ADAMTS6: variants seen among roughly 807,000 people sequenced by gnomAD.
ADAMTS6 encodes the protein ADAM metallopeptidase with thrombospondin type 1 motif 6.
ADAMTS6 carries 23 observed loss-of-function variants against 144.3 expected under a neutral mutation model. The ratio of observed to expected loss-of-function variants is 0.16; its 90% CI spans 0.11 to 0.23. The LOEUF is 0.23. Ranked by LOEUF, ADAMTS6 falls within the 10% of genes least tolerant of loss-of-function variation. The pLI, the probability that ADAMTS6 is intolerant of heterozygous loss-of-function variation, is 1.00. For synonymous variants in ADAMTS6, 444 were observed against 457.5 expected, an observed-to-expected ratio of 0.97 and a Z score of 0.38; for missense variants, 999 against 1,379.6, an observed-to-expected ratio of 0.72 and a Z score of 4.37.
At chr5:65,460,377 C>T (rs746766129) in intron 3 of ADAMTS6, 39 bp from the exon 4 acceptor site, 68 of 1,521,708 alleles carry the variant, frequency 4.5e-5, no homozygotes, top group Admixed American at 1.0e-4. Context: ...CAAAGAGAAT[C>T]ATTTTAAATA....
chr5:65,475,177 G>T (rs1760757084), intron 1 of ADAMTS6, among the ~76,000 whole-genome samples: 1 of 151,944 alleles, frequency 6.6e-6, no homozygotes, highest in Non-Finnish European at 1.5e-5. Context: ...ATCACTTTAG[G>T]CATATAAAAA....
In ADAMTS6 at chr5:65,188,013, T is replaced by C; in HGVS notation, c.2910+3A>G. On this transcript the variant is annotated splice_donor_region_variant and intron_variant, in intron 22 of 24. Transcript: ENST00000381055. ...ATATACATATAGCCTCAGATTTCCT[T>C]ACCTCAGACCAGTCCAAAGCCACCC... 7 of 1,613,774 alleles carry C rather than the reference T, an allele frequency of 4.3e-6. No homozygotes were observed. The highest frequency in any genetic ancestry group is 5.9e-6 in the Non-Finnish European group (7 of 1,179,750).
At chr5:65,474,445 T>A (rs1167796246) in intron 1 of ADAMTS6, among the ~76,000 whole-genome samples, 2 of 152,078 alleles carry the variant, frequency 1.3e-5, no homozygotes, top group Admixed American at 6.6e-5. Context: ...CAGCCATCTG[T>A]GAATACTAAG....
chr5:65,169,887 G>A (rs552834170), intron 24 of ADAMTS6, among the ~76,000 whole-genome samples: 231 of 125,840 alleles, frequency 1.8e-3, no homozygotes, highest in African/African-American at 7.3e-3. Flanking sequence ...GGACTGTGGT[G>A]GGGAGGGGGG....
At chr5:65,451,309 CA>C (rs1758723235) in intron 7 of ADAMTS6, 165 bp downstream of exon 7, 1 of 615,438 alleles carries the variant, frequency 1.6e-6, no homozygotes, top group Non-Finnish European at 2.6e-6. Context: ...TCATTTGATG[CA>C]AACACAATAA....
intron 7 of ADAMTS6, among the ~76,000 whole-genome samples, chr5:65,362,690 T>C (rs1473412733): frequency 2.0e-5 from 3 of 152,200 alleles, no homozygotes; most frequent in South Asian, 2.1e-4. Context: ...CTCAATTCTT[T>C]CCATCACATA....
chr5:65,178,277 T>A (rs1277695133), intron 22 of ADAMTS6, among the ~76,000 whole-genome samples: 1 of 152,212 alleles, frequency 6.6e-6, no homozygotes, highest in Middle Eastern at 3.2e-3. Flanking sequence ...AGAAAGCCCC[T>A]TATGGGTCTT....
chr5:65,332,601 A>AT (rs959705759), intron 8 of ADAMTS6, among the ~76,000 whole-genome samples: 5 of 151,894 alleles, frequency 3.3e-5, no homozygotes, highest in Non-Finnish European at 7.4e-5. Flanking sequence ...ATACATCTAC[A>AT]TTTTTTTCCT....
chr5:65,227,199 A>G (rs1216021507), intron 15 of ADAMTS6, among the ~76,000 whole-genome samples: 1 of 152,200 alleles, frequency 6.6e-6, no homozygotes, highest in Non-Finnish European at 1.5e-5. Flanking sequence ...TTGAATAATT[A>G]AAACACTAAT....
intron 7 of ADAMTS6, among the ~76,000 whole-genome samples, chr5:65,397,921 T>C (rs1180567903): frequency 1.3e-5 from 2 of 151,376 alleles, no homozygotes; most frequent in Non-Finnish European, 2.9e-5. Flanking sequence ...TCTCCACATA[T>C]TGTTTGGGGC....
chr5:65,357,621 G>A (rs188531078), intron 7 of ADAMTS6, among the ~76,000 whole-genome samples: 65 of 150,478 alleles, frequency 4.3e-4, no homozygotes, highest in African/African-American at 1.5e-3. Context: ...TAAAAAATAA[G>A]AAAGTTTCAA....
At chr5:65,268,971 G>C (rs1761848562) in intron 12 of ADAMTS6, among the ~76,000 whole-genome samples, 1 of 152,090 alleles carries the variant, frequency 6.6e-6, no homozygotes, top group South Asian at 2.1e-4. Flanking sequence ...TTATTCTGCT[G>C]GCTAGACAGT....
At chr5:65,341,352 C>T (rs980739790) in intron 7 of ADAMTS6, among the ~76,000 whole-genome samples, 1 of 151,364 alleles carries the variant, frequency 6.6e-6, no homozygotes, top group Non-Finnish European at 1.5e-5. Flanking sequence ...ATAACAAAAT[C>T]AGAGCAACAA....
At chr5:65,207,638 T>G (rs1428347035) in intron 20 of ADAMTS6, among the ~76,000 whole-genome samples, 1 of 152,208 alleles carries the variant, frequency 6.6e-6, no homozygotes, top group Non-Finnish European at 1.5e-5. Context: ...ATCATGAATA[T>G]TGCTGCATTC....
At chr5:65,401,982 C>G (rs1753956608) in intron 7 of ADAMTS6, among the ~76,000 whole-genome samples, 1 of 152,118 alleles carries the variant, frequency 6.6e-6, no homozygotes, top group Admixed American at 6.6e-5. Flanking sequence ...TCCTAATACA[C>G]TGGCCTCTCA....
intron 7 of ADAMTS6, among the ~76,000 whole-genome samples, chr5:65,386,720 TG>T (rs1252249591): frequency 3.9e-5 from 6 of 152,144 alleles, no homozygotes; most frequent in African/African-American, 1.2e-4. Flanking sequence ...CAAGAGTAGC[TG>T]GAATTATAGG....
Position 65,187,424 on chromosome 5 carries a change from G to A in ADAMTS6, c.2910+592C>T, listed in dbSNP as rs1754738707. On this transcript the variant is annotated intron_variant, in intron 22 of 24. Transcript: ENST00000381055. Reference sequence around the variant, plus strand: ...AGGGAATGATCAAGTCAAATTTGATGTTTTCCTATGTTATAACCTTCAGCT... The same window carrying A: ...AGGGAATGATCAAGTCAAATTTGATATTTTCCTATGTTATAACCTTCAGCT... Among the ~76,000 whole-genome samples, 4 of 152,254 alleles carry A rather than the reference G, an allele frequency of 2.6e-5. No homozygotes were observed. The South Asian group carries it at 8.3e-4, about 32-fold the overall frequency.
intron 22 of ADAMTS6, among the ~76,000 whole-genome samples, chr5:65,181,407 A>C (rs1754343200): frequency 6.6e-6 from 1 of 152,222 alleles, no homozygotes; most frequent in South Asian, 2.1e-4. Flanking sequence ...CTTAAAGCTT[A>C]ATATTATCAC....
chr5:65,407,088 C>T (rs2150175435), intron 7 of ADAMTS6, among the ~76,000 whole-genome samples: 1 of 152,190 alleles, frequency 6.6e-6, no homozygotes, highest in South Asian at 2.1e-4. Context: ...AGAACCAGCC[C>T]AACCTAGCAA....
Sources: allele counts gnomAD v4.1 joint callset (sites outside exome capture counted in the v4.1 genomes callset), GRCh38; gene constraint gnomAD v4.1.1; transcripts MANE v1.5; gene names NCBI Gene and HGNC (gene_info 2026-07-23, HGNC 2026-07-21).